Variants in CPEB3 observed in about 807,000 individuals in gnomAD.
The protein encoded by CPEB3 is cytoplasmic polyadenylation element binding protein 3.
Under a neutral mutation model 67.2 loss-of-function variants are expected in CPEB3, and 20 were observed. The observed-to-expected ratio is 0.30, with a 90% CI of 0.21 to 0.43. CPEB3 has a LOEUF of 0.43. CPEB3 is among the 20% of genes least tolerant of loss of function. CPEB3 has a pLI of 1.00. For synonymous variants in CPEB3, 376 were observed against 393.1 expected (o/e 0.96, Z 0.51); for missense variants, 746 against 968.6 (o/e 0.77, Z 3.05).
At chr10:92,086,392 T>A (rs1843374110) in intron 8 of CPEB3, among the ~76,000 whole-genome samples, 1 of 152,248 alleles carries the variant, frequency 6.6e-6, no homozygotes, top group Non-Finnish European at 1.5e-5. Context: ...AAGTTAAGAA[T>A]ATTTTCAAAT....
chr10:92,117,999 A>G (rs1481790431), intron 6 of CPEB3, among the ~76,000 whole-genome samples: 1 of 152,242 alleles, frequency 6.6e-6, no homozygotes, highest in African/African-American at 2.4e-5. Context: ...CTGGAATTAA[A>G]CCAGATCAGT....
intron 2 of CPEB3, among the ~76,000 whole-genome samples, chr10:92,212,688 A>G (rs548429550): frequency 1.3e-5 from 2 of 152,394 alleles, no homozygotes; most frequent in African/African-American, 4.8e-5. Context: ...TAGTACAAAA[A>G]AAAGTAAAAC....
At chr10:92,084,416 A>C (rs1322417498) in intron 8 of CPEB3, among the ~76,000 whole-genome samples, 1 of 152,096 alleles carries the variant, frequency 6.6e-6, no homozygotes, top group Non-Finnish European at 1.5e-5. Context: ...TTTGGCCACC[A>C]AAAAGTCTGC....
intron 1 of CPEB3, among the ~76,000 whole-genome samples, chr10:92,274,574 C>T (rs1487709396): frequency 6.6e-6 from 1 of 152,152 alleles, no homozygotes; most frequent in African/African-American, 2.4e-5. Context: ...GGCATGGTGG[C>T]TCATGCCTGT....
chr10:92,186,277 C>G (rs1156363654), intron 3 of CPEB3, among the ~76,000 whole-genome samples: 1 of 151,150 alleles, frequency 6.6e-6, no homozygotes, highest in Non-Finnish European at 1.5e-5. Flanking sequence ...ACAGTTCCAG[C>G]TACTCACGAG....
intron 2 of CPEB3, among the ~76,000 whole-genome samples, chr10:92,195,681 A>C (rs1250411584): frequency 2.6e-5 from 4 of 152,228 alleles, no homozygotes; most frequent in Non-Finnish European, 4.4e-5. Context: ...TAAGGGAACT[A>C]TAAGAAAACG....
At chr10:92,222,682 T>C (rs905472934) in intron 2 of CPEB3, among the ~76,000 whole-genome samples, 4 of 152,278 alleles carry the variant, frequency 2.6e-5, no homozygotes, top group African/African-American at 7.2e-5. Flanking sequence ...ATGGACCCCT[T>C]TGAAAATTTA....
chr10:92,217,820 AC>A (rs1483933060), intron 2 of CPEB3, among the ~76,000 whole-genome samples: 1 of 152,220 alleles, frequency 6.6e-6, no homozygotes, highest in Non-Finnish European at 1.5e-5. Context: ...ATAAATGACC[AC>A]TGACAAAACA....
chr10:92,124,237 C>T (rs1442817350), intron 6 of CPEB3, among the ~76,000 whole-genome samples: 2 of 152,232 alleles, frequency 1.3e-5, no homozygotes, highest in African/African-American at 4.8e-5. Context: ...ATTTACGTGG[C>T]TGCTCAAGCT....
chr10:92,165,389 G>A (rs1456452831), intron 4 of CPEB3, among the ~76,000 whole-genome samples: 1 of 139,790 alleles, frequency 7.2e-6, no homozygotes, highest in Non-Finnish European at 1.5e-5. Flanking sequence ...TCAGCAAGTT[G>A]TCACTTTTTT....
At chr10:92,137,053 A>T (rs1303800453) in intron 6 of CPEB3, 9 of 250,518 alleles carry the variant, frequency 3.6e-5, no homozygotes, top group Non-Finnish European at 8.4e-6. Flanking sequence ...TTCTTGTATC[A>T]AGGATTATGA....
intron 6 of CPEB3, among the ~76,000 whole-genome samples, chr10:92,115,460 G>C (rs1844972989): frequency 6.6e-6 from 1 of 152,206 alleles, no homozygotes; most frequent in African/African-American, 2.4e-5. Context: ...CCGGGACTTA[G>C]ATTTATATTC....
intron 4 of CPEB3, among the ~76,000 whole-genome samples, chr10:92,157,814 A>G (rs904986405): frequency 4.6e-5 from 7 of 152,208 alleles, no homozygotes; most frequent in Non-Finnish European, 8.8e-5. Context: ...CTTTAAGGAG[A>G]AATAGTCTTT....
chr10:92,162,557 T>C (rs950782224), intron 4 of CPEB3, among the ~76,000 whole-genome samples: 2 of 152,114 alleles, frequency 1.3e-5, no homozygotes, highest in African/African-American at 2.4e-5. Context: ...TAATTAAAAA[T>C]TGAAAAAAAT....
In CPEB3 at chr10:92,239,526, G is replaced by T; in HGVS notation, c.825C>A (p.Gly275=). 3 of 1,564,282 alleles carry T rather than the reference G, an allele frequency of 1.9e-6. No individual in the cohort carries two copies. Among genetic ancestry groups the T allele is most frequent in the Non-Finnish European group, 2.6e-6 (3 of 1,153,472 alleles). ...GRDPRRAVGV[G]VGVGVGVPSP... ...AAGGCACCCCGACACCCACACCCAC[G>T]CCCACACCGACCGCCCGGCGAGGGT... Residue 275 remains glycine (G), a synonymous_variant, in exon 2 of 10, where the codon GGC becomes GGA. Transcript: ENST00000265997. The surrounding 1 kb of genome is among the most constrained non-coding windows in gnomAD (Gnocchi z 6.0).
At chr10:92,150,440 C>T (rs1480924418) in intron 4 of CPEB3, among the ~76,000 whole-genome samples, 1 of 152,090 alleles carries the variant, frequency 6.6e-6, no homozygotes, top group Non-Finnish European at 1.5e-5. Flanking sequence ...TTAATAAATT[C>T]AGGACTCTGC....
At chr10:92,105,014 C>T (rs777234306) in intron 7 of CPEB3, among the ~76,000 whole-genome samples, 1 of 152,056 alleles carries the variant, frequency 6.6e-6, no homozygotes, top group Non-Finnish European at 1.5e-5. Context: ...AATCCTCCTG[C>T]CTCAGCCTCC....
intron 2 of CPEB3, among the ~76,000 whole-genome samples, chr10:92,237,388 G>A (rs908394119): frequency 6.6e-6 from 1 of 152,202 alleles, no homozygotes; most frequent in Non-Finnish European, 1.5e-5. Context: ...ACCAGGGATG[G>A]AAAGATGAGA....
rs564387370 is a variant in CPEB3, at chr10:92,182,474, T to G, written c.1166-1455A>C. Among the ~76,000 whole-genome samples the G allele has an allele frequency of 7.9e-5, 12 of 152,292 alleles. No individual in the cohort carries two copies. The South Asian group carries it at 2.5e-3, about 32-fold the overall frequency. On this transcript the variant is annotated intron_variant, in intron 3 of 9. Transcript: ENST00000265997. ...TGAAGTTTTTGCCTAGACAGGACCA[T>G]CCTGATTTCTTATTGCTCCCCAGGC...
Sources: gnomAD v4.1 joint callset for allele counts (sites outside exome capture counted in the v4.1 genomes callset) on GRCh38, gnomAD v4.1.1 for gene constraint, Gnocchi (gnomAD v3.1) non-coding constraint, MANE v1.5 for transcripts, NCBI Gene and HGNC (gene_info 2026-07-23, HGNC 2026-07-21) for gene names.